KCNMA1: variants seen among roughly 807,000 people sequenced by gnomAD.
The protein encoded by KCNMA1 is Calcium-activated potassium channel subunit alpha-1.
A neutral mutation model predicts 140.0 loss-of-function variants in KCNMA1; 29 were observed. The ratio of observed to expected loss-of-function variants is 0.21; its 90% CI spans 0.15 to 0.28. KCNMA1 has a LOEUF of 0.28. KCNMA1 is among the 10% of genes least tolerant of loss of function. KCNMA1 has a pLI of 1.00. For missense variants in KCNMA1, 880 were observed against 1,602.2 expected (o/e 0.55, Z 7.70); for synonymous variants, 612 against 611.9 (o/e 1.00, Z 0.00).
At chr10:77,276,297 G>A (rs1233367622) in intron 2 of KCNMA1, among the ~76,000 whole-genome samples, 2 of 152,190 alleles carry the variant, frequency 1.3e-5, no homozygotes, top group African/African-American at 2.4e-5. Flanking sequence ...GTTCCTGCAG[G>A]GGCCTGCTAA....
intron 16 of KCNMA1, among the ~76,000 whole-genome samples, chr10:77,027,176 T>G (rs2093535855): frequency 6.6e-6 from 1 of 152,232 alleles, no homozygotes; most frequent in Non-Finnish European, 1.5e-5. Flanking sequence ...CCACCTCCAG[T>G]GTGAACTCAC....
At chr10:77,021,398 G>A (rs2092827212) in intron 16 of KCNMA1, among the ~76,000 whole-genome samples, 2 of 152,190 alleles carry the variant, frequency 1.3e-5, no homozygotes, top group Non-Finnish European at 2.9e-5. Context: ...TAAATTCTTA[G>A]TTGCTACTCT....
At chr10:77,006,884 G>A (rs1265965571) in intron 18 of KCNMA1, among the ~76,000 whole-genome samples, 3 of 152,044 alleles carry the variant, frequency 2.0e-5, no homozygotes, top group South Asian at 2.1e-4. Context: ...ATTTTGGCAA[G>A]ACTGTGCATT....
downstream of KCNMA1, chr10:76,877,026 A>C (rs2032518316): frequency 6.5e-6 from 1 of 152,758 alleles, no homozygotes; most frequent in Non-Finnish European, 1.5e-5. Flanking sequence ...GACAAACCTG[A>C]TCTGCCAATT....
intron 5 of KCNMA1, among the ~76,000 whole-genome samples, chr10:77,179,851 G>C (rs1443307959): frequency 1.3e-5 from 2 of 152,156 alleles, no homozygotes; most frequent in East Asian, 3.9e-4. Context: ...GTCTGTGAGG[G>C]GCTTTCCAGA....
At chr10:77,079,734 G>C (rs996240719) in intron 12 of KCNMA1, 184 bp from the exon 13 acceptor site, 4 of 637,652 alleles carry the variant, frequency 6.3e-6, no homozygotes, top group Non-Finnish European at 1.1e-5. Context: ...GGATGGGGCA[G>C]AAGCAACTTT....
intron 14 of KCNMA1, among the ~76,000 whole-genome samples, chr10:77,044,423 C>T (rs2094920269): frequency 1.3e-5 from 2 of 151,964 alleles, no homozygotes; most frequent in African/African-American, 4.8e-5. Flanking sequence ...GAAGCTGAGG[C>T]AGGAAGTTTG....
chr10:76,886,083 C>T lies in KCNMA1; in HGVS notation c.*1183G>A. 2.0e-6 allele frequency: 2 copies of T among 985,392 alleles called. No individual in the cohort carries two copies. The highest frequency in any genetic ancestry group is 2.4e-6 in the Non-Finnish European group (2 of 829,936). The allele number at this position is 985,392 out of a possible 1,614,324, so 61.0% of individuals were successfully genotyped here. On this transcript the variant is annotated 3_prime_UTR_variant, in exon 28 of 28. Coordinates refer to ENST00000286628, the MANE Select transcript of KCNMA1 (RefSeq NM_001161352.2). Reference sequence around the variant, plus strand: ...GTTGAAGGTGGTGGCTGGCTTTTGTCTTTGTTGAGTCAACTGTGGCTGATC... The same window carrying T: ...GTTGAAGGTGGTGGCTGGCTTTTGTTTTTGTTGAGTCAACTGTGGCTGATC...
At chr10:76,911,078 A>G (rs2152383208) in intron 24 of KCNMA1, 1 of 152,278 alleles carries the variant, frequency 6.6e-6, no homozygotes, top group Admixed American at 6.5e-5. Flanking sequence ...AATTATTGTG[A>G]TTTTAGGAAG....
At chr10:77,214,756 C>A (rs1262775147) in intron 3 of KCNMA1, among the ~76,000 whole-genome samples, 1 of 152,162 alleles carries the variant, frequency 6.6e-6, no homozygotes, top group Non-Finnish European at 1.5e-5. Flanking sequence ...ACTCCCTCTG[C>A]CTGAAACCCT....
intron 1 of KCNMA1, among the ~76,000 whole-genome samples, chr10:77,560,515 A>T (rs2154558757): frequency 6.6e-6 from 1 of 152,336 alleles, no homozygotes; most frequent in South Asian, 2.1e-4. Context: ...GAGAATGTGC[A>T]GCCAGGTGAG....
intron 1 of KCNMA1, among the ~76,000 whole-genome samples, chr10:77,505,543 G>A (rs1474052317): frequency 1.3e-5 from 2 of 152,216 alleles, no homozygotes; most frequent in Non-Finnish European, 2.9e-5. Context: ...TTCTAACTTA[G>A]AACATCAAAA....
intron 1 of KCNMA1, chr10:77,498,843 G>C (rs1483246464): frequency 1.3e-5 from 2 of 152,166 alleles, no homozygotes; most frequent in African/African-American, 2.4e-5. Context: ...AAAAAGGACT[G>C]GGTGGGAAAG....
chr10:77,286,366 A>G (rs781452801), intron 2 of KCNMA1, among the ~76,000 whole-genome samples: 5 of 152,188 alleles, frequency 3.3e-5, no homozygotes, highest in Non-Finnish European at 5.9e-5. Context: ...GAACCTAGGG[A>G]AGACATTCTC....
At chr10:77,473,786 T>G (rs1489637935) in intron 1 of KCNMA1, among the ~76,000 whole-genome samples, 1 of 152,214 alleles carries the variant, frequency 6.6e-6, no homozygotes, top group Non-Finnish European at 1.5e-5. Context: ...GGCTCTCTTC[T>G]GGGCCTAAAA....
chr10:77,171,897 T>G (rs1433352157), intron 5 of KCNMA1, among the ~76,000 whole-genome samples: 1 of 152,196 alleles, frequency 6.6e-6, no homozygotes, highest in Non-Finnish European at 1.5e-5. Flanking sequence ...CCTCCATCTG[T>G]TCCTCCTCTA....
chr10:77,099,307 A>G (rs2097029297), intron 9 of KCNMA1, among the ~76,000 whole-genome samples: 1 of 152,142 alleles, frequency 6.6e-6, no homozygotes, highest in Non-Finnish European at 1.5e-5. Context: ...CCCTCCCATA[A>G]TGACAACCAA....
At chr10:77,511,012 T>G (rs930611961) in intron 1 of KCNMA1, among the ~76,000 whole-genome samples, 1 of 152,182 alleles carries the variant, frequency 6.6e-6, no homozygotes, top group African/African-American at 2.4e-5. Flanking sequence ...AACCTGGAAG[T>G]CTGGTTCCTC....
chr10:77,105,889 C>G (rs542020359), intron 9 of KCNMA1, among the ~76,000 whole-genome samples: 5 of 152,094 alleles, frequency 3.3e-5, no homozygotes, highest in Admixed American at 6.5e-5. Flanking sequence ...ATATCCCAAG[C>G]GAAAGAAAAC....
Sources: gnomAD v4.1 joint callset for allele counts (sites outside exome capture counted in the v4.1 genomes callset) on GRCh38, gnomAD v4.1.1 for gene constraint, MANE v1.5 for transcripts, NCBI Gene and HGNC (gene_info 2026-07-23, HGNC 2026-07-21) for gene names.